PLPPR1: variants seen among roughly 807,000 people sequenced by gnomAD.
PLPPR1 encodes phospholipid phosphatase related 1.
Under a neutral mutation model 33.1 loss-of-function variants are expected in PLPPR1, and 10 were observed. The ratio of observed to expected loss-of-function variants is 0.30; its 90% confidence interval spans 0.19 to 0.51. The LOEUF (loss-of-function observed/expected upper bound fraction) is 0.51. Among genes scored for constraint, PLPPR1 ranks in the 20% least tolerant of loss-of-function variants. The pLI, the probability that PLPPR1 is intolerant of heterozygous loss-of-function variation, is 0.97. For synonymous variants in PLPPR1, 151 were observed against 151.0 expected (o/e 1.00, Z 0.00); for missense variants, 304 against 408.1 (o/e 0.74, Z 2.20).
chr9:101,110,640 G>A (rs140846995), intron 1 of PLPPR1, among the ~76,000 whole-genome samples: 3 of 152,216 alleles, frequency 2.0e-5, no homozygotes, highest in Non-Finnish European at 2.9e-5. Context: ...ATAATGTCCT[G>A]ATAGTGAATA....
At chr9:101,262,962 C>G (rs887481012) in intron 2 of PLPPR1, among the ~76,000 whole-genome samples, 1 of 152,018 alleles carries the variant, frequency 6.6e-6, no homozygotes, top group African/African-American at 2.4e-5. Context: ...AATGAGAACA[C>G]CTGGACACAG....
At chr9:101,320,324 G>A (rs1250194547) in intron 7 of PLPPR1, among the ~76,000 whole-genome samples, 1 of 152,156 alleles carries the variant, frequency 6.6e-6, no homozygotes, top group African/African-American at 2.4e-5. Flanking sequence ...GTTCCCTCAT[G>A]TCTGCCTCCT....
At position 101,157,437 on chromosome 9, in the gene PLPPR1, A is replaced by G. The variant is rs1294018655; in HGVS notation, c.-45-28013A>G. 2.6e-5 allele frequency among the ~76,000 whole-genome samples: 4 copies of G among 152,196 alleles called. No homozygotes were observed. In the South Asian group the frequency reaches 6.2e-4, roughly 24 times the overall value. On this transcript the variant is annotated intron_variant, in intron 1 of 7. Coordinates refer to ENST00000374874, the MANE Select transcript of PLPPR1 (RefSeq NM_207299.2). ...AAATATGTCCGGTTGGGTGGTGCCT[A>G]TATGTGTCTAAATTTAAAAGAGTCA...
intron 1 of PLPPR1, among the ~76,000 whole-genome samples, chr9:101,053,557 C>T (rs902513177): frequency 1.3e-5 from 2 of 152,180 alleles, no homozygotes; most frequent in Non-Finnish European, 2.9e-5. Flanking sequence ...AATGCCCTAA[C>T]AGGGTATTCA....
At chr9:101,051,377 A>G (rs1416701024) in intron 1 of PLPPR1, among the ~76,000 whole-genome samples, 1 of 152,060 alleles carries the variant, frequency 6.6e-6, no homozygotes, top group Non-Finnish European at 1.5e-5. Flanking sequence ...GCAGCTCATC[A>G]TGAAATCTAA....
At chr9:101,255,039 T>C (rs1293239259) in intron 2 of PLPPR1, among the ~76,000 whole-genome samples, 1 of 152,224 alleles carries the variant, frequency 6.6e-6, no homozygotes, top group East Asian at 1.9e-4. Context: ...ACACTTATTA[T>C]CTAACCTTCA....
intron 2 of PLPPR1, among the ~76,000 whole-genome samples, chr9:101,253,557 A>G (rs1827747782): frequency 6.6e-6 from 1 of 152,104 alleles, no homozygotes; most frequent in African/African-American, 2.4e-5. Flanking sequence ...TAAAAAAAAA[A>G]ATGCATTAGC....
At chr9:101,158,684 A>G (rs1208845585) in intron 1 of PLPPR1, among the ~76,000 whole-genome samples, 2 of 152,216 alleles carry the variant, frequency 1.3e-5, no homozygotes, top group Admixed American at 6.5e-5. Flanking sequence ...TTTTACTCCA[A>G]ATACCTTCAA....
chr9:101,043,073 C>G (rs913324202), intron 1 of PLPPR1, among the ~76,000 whole-genome samples: 14 of 152,160 alleles, frequency 9.2e-5, no homozygotes, highest in African/African-American at 3.4e-4. Flanking sequence ...ACCCTTTCCC[C>G]CTGAGTCCCC....
intron 1 of PLPPR1, among the ~76,000 whole-genome samples, chr9:101,101,738 T>A (rs898907299): frequency 4.1e-5 from 6 of 146,630 alleles, no homozygotes; most frequent in Non-Finnish European, 9.0e-5. Flanking sequence ...AGGGCAAATC[T>A]TTTTTTTCTG....
intron 2 of PLPPR1, among the ~76,000 whole-genome samples, chr9:101,260,042 T>A (rs111993169): frequency 0.055 from 8,438 of 152,124 alleles, 764 homozygotes; most frequent in African/African-American, 0.19. Context: ...TTTGGCTTAG[T>A]GATTTTGGGG....
At chr9:101,163,636 A>G (rs892750004) in intron 1 of PLPPR1, among the ~76,000 whole-genome samples, 12 of 152,174 alleles carry the variant, frequency 7.9e-5, no homozygotes, top group African/African-American at 2.9e-4. Flanking sequence ...CAGGTTGTTT[A>G]ATGAACCCAT....
chr9:101,286,477 G>A (rs1828397544), intron 4 of PLPPR1, among the ~76,000 whole-genome samples: 1 of 152,080 alleles, frequency 6.6e-6, no homozygotes, highest in Non-Finnish European at 1.5e-5. Flanking sequence ...TCCCCTGGAC[G>A]TATGTTTTAA....
chr9:101,114,052 TA>T (rs5899431), intron 1 of PLPPR1, among the ~76,000 whole-genome samples: 64,100 of 151,786 alleles, frequency 0.42, 13,744 homozygotes, highest in Non-Finnish European at 0.46. Context: ...TCTGAAGCAT[TA>T]AAAAAAGTGT....
intron 2 of PLPPR1, among the ~76,000 whole-genome samples, chr9:101,194,843 C>T (rs1264589842): frequency 1.1e-4 from 16 of 151,956 alleles, no homozygotes; most frequent in Admixed American, 1.0e-3. Context: ...TGTAGGCTAT[C>T]ATAGTTGCAG....
At chr9:101,294,221 C>T (rs1277657221) in intron 4 of PLPPR1, among the ~76,000 whole-genome samples, 15 of 150,334 alleles carry the variant, frequency 1.0e-4, no homozygotes, top group Admixed American at 3.3e-4. Context: ...ATAAATTCCT[C>T]GACACATACA....
chr9:101,179,208 GAAACTACAAC>G (rs1325625527), intron 1 of PLPPR1, among the ~76,000 whole-genome samples: 11 of 152,150 alleles, frequency 7.2e-5, no homozygotes, highest in African/African-American at 2.7e-4. Context: ...AGGTCAATGG[GAAACTACAAC>G]AGCCTAATCC....
chr9:101,108,836 GC>G (rs2118569434), intron 1 of PLPPR1, among the ~76,000 whole-genome samples: 1 of 152,078 alleles, frequency 6.6e-6, no homozygotes, highest in African/African-American at 2.4e-5. Context: ...ATGTTAATAT[GC>G]AATGGGTTTA....
At chr9:101,286,771 TTTATGAAAATTCCTGAGGTGCTAGTGA>T (rs1482381663) in intron 4 of PLPPR1, among the ~76,000 whole-genome samples, 3 of 152,206 alleles carry the variant, frequency 2.0e-5, no homozygotes, top group Non-Finnish European at 2.9e-5. Context: ...TTCTAGGACT[TTTATGAAAATTCCTGAGGTGCTAGTGA>T]TTAATAATTA....
Sources: gnomAD v4.1 joint callset for allele counts (sites outside exome capture counted in the v4.1 genomes callset) on GRCh38, gnomAD v4.1.1 for gene constraint, MANE v1.5 for transcripts, NCBI Gene and HGNC (gene_info 2026-07-23, HGNC 2026-07-21) for gene names.